Variants in CZIB observed in about 807,000 individuals in gnomAD.
CZIB encodes the protein CXXC motif containing zinc binding protein.
A neutral mutation model predicts 28.3 loss-of-function variants in CZIB; 26 were observed. That is an observed-to-expected ratio of 0.92 (90% CI 0.67 to 1.27). The LOEUF is 1.27. Ranked by LOEUF, CZIB falls within the 50% of genes most tolerant of loss-of-function variation. The probability of loss-of-function intolerance (pLI) is 0.00; values close to 1 mark genes in which losing one functional copy is unlikely to be tolerated. For missense variants in CZIB, 179 were observed against 197.3 expected, an observed-to-expected ratio of 0.91 and a Z score of 0.56; for synonymous variants, 78 against 71.1, an observed-to-expected ratio of 1.10 and a Z score of -0.49.
intron 5 of CZIB, 91 bp downstream of exon 5, chr1:53,218,081 C>T: frequency 7.3e-7 from 1 of 1,376,480 alleles, no homozygotes; most frequent in Non-Finnish European, 1.0e-6. Context: ...TGGCAGGTCA[C>T]TCTGATGCAG....
chr1:53,218,631 G>C, intron 3 of CZIB, 136 bp from the exon 4 acceptor site: 1 of 948,596 alleles, frequency 1.1e-6, no homozygotes, highest in Non-Finnish European at 1.6e-6. Flanking sequence ...AAGACTCCTG[G>C]GAAGGCTTCC....
intron 5 of CZIB, 176 bp from the exon 6 acceptor site, chr1:53,217,035 G>A (rs752472350): frequency 5.1e-6 from 3 of 584,544 alleles, no homozygotes; most frequent in Non-Finnish European, 9.3e-6. Flanking sequence ...TCCCTATGAA[G>A]CTTTCTGTAG....
chr1:53,216,827 C>T lies in CZIB; in HGVS notation c.294G>A (p.Val98=). The change falls in exon 6 of 8, where the codon GTG becomes GTA. Residue 98 remains valine, a synonymous_variant. Coordinates refer to ENST00000294360, the MANE Select transcript of CZIB (RefSeq NM_017887.3). ...GTTCAAGGCCCCGGCACTCAAACTCCACTATTGTCTTGAAGTTCTCATTGT... is the reference window on the plus strand; with the variant it reads ...GTTCAAGGCCCCGGCACTCAAACTCTACTATTGTCTTGAAGTTCTCATTGT... ...AEDNENFKTI[V]EFECRGLEPV... The T allele has an allele frequency of 6.2e-7, 1 of 1,614,196 alleles. No homozygotes were observed.
rs776702846 is a variant in CZIB, at chr1:53,220,600, G to C, written c.-25C>G. The C allele has an allele frequency of 1.9e-6, 3 of 1,595,708 alleles. No individual in the cohort carries two copies. Among genetic ancestry groups the C allele is most frequent in the South Asian group, 2.2e-5 (2 of 90,760 alleles). ...TGGTAGCCCTCTCCGCCCGGTGCTG[G>C]CTGCGGCCCTTGCCGTTGCTTTCCG... On this transcript the variant is annotated 5_prime_UTR_variant, in exon 1 of 8. Transcript: ENST00000294360.
In CZIB at chr1:53,218,495, C is replaced by G; in HGVS notation, c.148G>C (p.Asp50His). The G allele has an allele frequency of 2.5e-6, 4 of 1,614,096 alleles. No homozygotes were observed. Among genetic ancestry groups the G allele is most frequent in the Non-Finnish European group, 3.4e-6 (4 of 1,179,996 alleles). The change falls in exon 4 of 8, where the codon GAC becomes CAC. Residue 50 changes from aspartate (D) to histidine (H), a missense_variant and splice_region_variant. Asp to His is a moderately conservative substitution (Grantham distance 81, BLOSUM62 -1). Coordinates refer to ENST00000294360, the MANE Select transcript of CZIB (RefSeq NM_017887.3). ...SDKWQYIRLM[D>H]SVALKGGRGS... ...CGGCCCCCCTTCAGTGCCACACTGT[C>G]CTGGCAAAAAGCAAACAGAACTTTC...
Position 53,220,322 on chromosome 1 carries a change from G to T in CZIB, c.29C>A (p.Ala10Asp). Residue 10 changes from alanine (A) to aspartate (D), a missense_variant, in exon 2 of 8, where the codon GCC becomes GAC. Ala to Asp is a moderately radical substitution (Grantham distance 126, BLOSUM62 -2). Coordinates refer to ENST00000294360, the MANE Select transcript of CZIB (RefSeq NM_017887.3). MGKIALQLK[A>D]TLENITNLRP... ...GAGGTTGGTGATGTTCTCCAGCGTG[G>T]CTTTGAGTTGCAGCGCGATTTTCTG... 1 of 1,613,348 alleles carries T rather than the reference G, an allele frequency of 6.2e-7. No individual in the cohort carries two copies.
At chr1:53,216,898 G>A (rs1026931795) in intron 5 of CZIB, 39 bp from the exon 6 acceptor site, 1 of 1,560,856 alleles carries the variant, frequency 6.4e-7, no homozygotes, top group Admixed American at 1.7e-5. Context: ...GCCCAAATGA[G>A]CTCTCAGGAT....
Position 53,218,108 on chromosome 1 carries a change from C to T in CZIB, c.261+64G>A, listed in dbSNP as rs1261336303. The T allele has an allele frequency of 7.1e-6, 11 of 1,557,916 alleles. No individual in the cohort carries two copies. In the Admixed American group the frequency reaches 1.9e-4, roughly 26 times the overall value. On this transcript the variant is annotated intron_variant, in intron 5 of 7. Transcript: ENST00000294360. ...CTGATGCAGGCATGACTCTAGAACC[C>T]AGACCTACTAACTCCAGTTAGGATT...
At chr1:53,219,153 A>G in intron 2 of CZIB, 2 of 533,150 alleles carry the variant, frequency 3.8e-6, no homozygotes, top group Non-Finnish European at 6.7e-6. Context: ...TGAAGTGCTC[A>G]GTGTGGCCGG....
intron 6 of CZIB, among the ~76,000 whole-genome samples, 188 bp downstream of exon 6, chr1:53,216,594 A>C (rs1645475193): frequency 6.6e-6 from 1 of 152,246 alleles, no homozygotes; most frequent in African/African-American, 2.4e-5. Flanking sequence ...ATAAGAATTA[A>C]ATGTGGTAAC....
chr1:53,219,211 G>C (rs181659824), intron 2 of CZIB: 1 of 425,430 alleles, frequency 2.4e-6, no homozygotes, highest in South Asian at 3.0e-5. Context: ...GGAGGTGAGG[G>C]GGGGGAATAT....
At chr1:53,220,149 G>T in intron 2 of CZIB, 112 bp downstream of exon 2, 4 of 936,734 alleles carry the variant, frequency 4.3e-6, no homozygotes, top group South Asian at 3.3e-5. Flanking sequence ...GGAAAACCCC[G>T]AACACTTAAT....
rs755399907 is a variant in CZIB at position 53,218,474 on chromosome 1, C to G, written c.169G>C (p.Gly57Arg). ...RLMDSVALKG[G>R]RGSASMVQKC... Reference sequence around the variant, plus strand: ...TGGACCATGGAAGCACTGCCACGGCCCCCCTTCAGTGCCACACTGTCCTGG... The same window carrying G: ...TGGACCATGGAAGCACTGCCACGGCGCCCCTTCAGTGCCACACTGTCCTGG... Residue 57 changes from glycine (G) to arginine (R), a missense_variant, in exon 4 of 8, where the codon GGC becomes CGC. Physicochemically the swap from Gly to Arg is moderately radical, Grantham distance 125. Transcript: ENST00000294360. The G allele has an allele frequency of 6.2e-7, 1 of 1,614,184 alleles. No homozygotes were observed. The highest frequency in any genetic ancestry group is 1.3e-5 in the African/African-American group (1 of 75,040).
rs758286555 is a variant in CZIB, at chr1:53,218,852, G to GGGGGGAA, written c.147+14_147+15insTTCCCCC. The GGGGGGAA allele has an allele frequency of 1.3e-6, 2 of 1,597,952 alleles. No homozygotes were observed. The highest frequency in any genetic ancestry group is 2.2e-5 in the South Asian group (2 of 90,622). On this transcript the variant is annotated intron_variant, in intron 3 of 7. Transcript: ENST00000294360. ...TGTGAGTGTTTATGTTGGGGGTTGG[G>GGGGGGAA]CGGGGAACAGTTACCATCAGCCGGA...
intron 7 of CZIB, among the ~76,000 whole-genome samples, 180 bp from the exon 8 acceptor site, chr1:53,214,916 T>G (rs575062760): frequency 6.6e-6 from 1 of 152,174 alleles, no homozygotes; most frequent in African/African-American, 2.4e-5. Context: ...TGTATGACTG[T>G]GGGCAAATCA....
At chr1:53,215,404 T>C (rs1557721148) in intron 7 of CZIB, among the ~76,000 whole-genome samples, 1 of 152,236 alleles carries the variant, frequency 6.6e-6, no homozygotes, top group African/African-American at 2.4e-5. Context: ...AAGAGCTCAG[T>C]AGATGCTAGC....
chr1:53,214,192 C>G lies in CZIB; in HGVS notation c.*467G>C, dbSNP rs1184168815. 6.1e-6 allele frequency: 1 copy of G among 163,990 alleles called. No homozygotes were observed. The highest frequency in any genetic ancestry group is 2.4e-5 in the African/African-American group (1 of 41,594). The allele number at this position is 163,990 out of a possible 1,614,324, so 10.2% of individuals were successfully genotyped here. ...AAGCAGAAATAAAGTTTAATTTTTG[C>G]TTGAAGATGGTTCTTAATTTCTTTT... On this transcript the variant is annotated 3_prime_UTR_variant, in exon 8 of 8. Transcript: ENST00000294360.
intron 6 of CZIB, 31 bp downstream of exon 6, chr1:53,216,745 CCAAAGA>C: frequency 6.3e-7 from 1 of 1,594,640 alleles, no homozygotes; most frequent in Non-Finnish European, 8.6e-7. Context: ...CATCCCCTCC[CCAAAGA>C]CAAAGATTCC....
chr1:53,219,828 A>C, intron 2 of CZIB: 1 of 161,352 alleles, frequency 6.2e-6, no homozygotes, highest in Non-Finnish European at 1.4e-5. Context: ...ACTGCTGGGG[A>C]AGGGGAGGCC....
Sources: gnomAD v4.1 joint callset for allele counts (sites outside exome capture counted in the v4.1 genomes callset) on GRCh38, gnomAD v4.1.1 for gene constraint, MANE v1.5 for transcripts, NCBI Gene and HGNC (gene_info 2026-07-23, HGNC 2026-07-21) for gene names.